MAGI2: variants seen among roughly 807,000 people sequenced by gnomAD.
MAGI2 encodes the protein membrane-associated guanylate kinase, WW and PDZ domain-containing protein 2.
A neutral mutation model predicts 133.3 loss-of-function variants in MAGI2; 35 were observed. The ratio of observed to expected loss-of-function variants is 0.26; its 90% CI spans 0.20 to 0.35. The LOEUF is 0.35. Among genes scored for constraint, MAGI2 ranks in the 10% least tolerant of loss-of-function variants. The pLI, the probability that MAGI2 is intolerant of heterozygous loss-of-function variation, is 1.00. For synonymous variants in MAGI2, 729 were observed against 710.6 expected (o/e 1.03, Z -0.41); for missense variants, 1,636 against 1,863.4 (o/e 0.88, Z 2.25).
intron 7 of MAGI2, among the ~76,000 whole-genome samples, chr7:78,361,392 C>A (rs1460387650): frequency 1.1e-3 from 144 of 126,684 alleles, no homozygotes; most frequent in African/African-American, 1.3e-3. Flanking sequence ...GACTCCATCT[C>A]AAAAAAAAAA....
At chr7:78,223,918 C>T (rs62463875) in intron 10 of MAGI2, among the ~76,000 whole-genome samples, 23,515 of 152,152 alleles carry the variant, frequency 0.15, 2,452 homozygotes, top group Middle Eastern at 0.26. Context: ...ATGTAGGGCA[C>T]TTTTAAAATA....
At chr7:78,785,410 T>C (rs1826734897) in intron 2 of MAGI2, among the ~76,000 whole-genome samples, 1 of 152,238 alleles carries the variant, frequency 6.6e-6, no homozygotes, top group Non-Finnish European at 1.5e-5. Context: ...TTTTAATTTT[T>C]ACAAATTTAG....
intron 9 of MAGI2, among the ~76,000 whole-genome samples, chr7:78,298,009 A>G (rs1390222151): frequency 6.8e-6 from 1 of 147,632 alleles, no homozygotes; most frequent in Non-Finnish European, 1.5e-5. Flanking sequence ...TTGTCTGGGA[A>G]AAAAAAAAGA....
intron 5 of MAGI2, among the ~76,000 whole-genome samples, chr7:78,491,911 G>GTGTGTGTGTGTGTTTGTGTA (rs1793656479): frequency 7.1e-6 from 1 of 140,360 alleles, no homozygotes; most frequent in African/African-American, 2.6e-5. Context: ...GTGTGTGTGT[G>GTGTGTGTGTGTGTTTGTGTA]TGTGTGTGTT....
intron 2 of MAGI2, chr7:78,939,792 C>T (rs185672159): frequency 6.6e-6 from 1 of 152,218 alleles, no homozygotes; most frequent in East Asian, 1.9e-4. Context: ...CTCAGAAAAG[C>T]TCCTCGGGAT....
At chr7:78,503,842 G>T (rs1794859460) in intron 4 of MAGI2, among the ~76,000 whole-genome samples, 1 of 151,498 alleles carries the variant, frequency 6.6e-6, no homozygotes, top group South Asian at 2.1e-4. Flanking sequence ...CAAGGTGCCT[G>T]CTTCCCCTTT....
At chr7:79,311,034 C>G (rs1838245306) in intron 1 of MAGI2, among the ~76,000 whole-genome samples, 1 of 152,080 alleles carries the variant, frequency 6.6e-6, no homozygotes, top group Admixed American at 6.6e-5. Flanking sequence ...TAAAACCACC[C>G]CCAACAAATT....
At chr7:78,586,386 A>C (rs1333661706) in intron 3 of MAGI2, among the ~76,000 whole-genome samples, 3 of 151,308 alleles carry the variant, frequency 2.0e-5, no homozygotes, top group Non-Finnish European at 4.4e-5. Flanking sequence ...ATAACATCTA[A>C]GAATTTATTT....
intron 1 of MAGI2, among the ~76,000 whole-genome samples, chr7:79,022,305 A>T (rs1159135602): frequency 6.6e-6 from 1 of 152,194 alleles, no homozygotes; most frequent in Non-Finnish European, 1.5e-5. Flanking sequence ...TTAAATCAGA[A>T]ATCAAGAAAT....
rs1563081877 is a variant in MAGI2, at chr7:78,070,646, T to TA, written c.3706+8300_3706+8301insT. ...TGTGTGTGTGTATATATATATATAT[T>TA]TTTTTTTTTTTTTTAGACGGAGTCT... On this transcript the variant is annotated intron_variant, in intron 21 of 21. Transcript: ENST00000354212. 7.1e-4 allele frequency among the ~76,000 whole-genome samples: 52 copies of TA among 73,608 alleles called. 1 individual carries two copies. Among genetic ancestry groups the TA allele is most frequent in the African/African-American group, 1.8e-3 (46 of 25,156 alleles). 48.3% of individuals were successfully genotyped at this position (73,608 alleles called of 152,430 possible).
At chr7:78,415,265 A>G (rs747713391) in intron 6 of MAGI2, among the ~76,000 whole-genome samples, 2 of 152,102 alleles carry the variant, frequency 1.3e-5, no homozygotes, top group Non-Finnish European at 2.9e-5. Context: ...ATTCTCATTG[A>G]CCTTAATTAC....
chr7:79,274,043 C>T (rs1006192413), intron 1 of MAGI2, among the ~76,000 whole-genome samples: 19 of 152,068 alleles, frequency 1.2e-4, no homozygotes, highest in Admixed American at 9.2e-4. Flanking sequence ...ATGAGACTCA[C>T]CACCTGGAGG....
intron 1 of MAGI2, among the ~76,000 whole-genome samples, chr7:79,378,025 T>C (rs1843497497): frequency 6.6e-6 from 1 of 151,826 alleles, no homozygotes; most frequent in East Asian, 1.9e-4. Flanking sequence ...TTAAGAAATC[T>C]TGGGTTAAAC....
chr7:78,321,639 A>C (rs572645940), intron 9 of MAGI2, among the ~76,000 whole-genome samples: 1 of 152,348 alleles, frequency 6.6e-6, no homozygotes. Flanking sequence ...TTGAAGACTT[A>C]AATGTAAGAC....
chr7:79,258,298 A>C (rs886564065), intron 1 of MAGI2, among the ~76,000 whole-genome samples: 5 of 152,248 alleles, frequency 3.3e-5, no homozygotes, highest in Admixed American at 3.3e-4. Flanking sequence ...TTTCTAGTCC[A>C]GAAGAAAATA....
At chr7:78,203,379 C>G (rs1342856958) in intron 10 of MAGI2, among the ~76,000 whole-genome samples, 1 of 152,194 alleles carries the variant, frequency 6.6e-6, no homozygotes, top group Non-Finnish European at 1.5e-5. Flanking sequence ...TCTACCGTCT[C>G]AGGAGTTATG....
At chr7:78,044,706 C>CGTGTGCGTGT (rs556210728) in intron 21 of MAGI2, among the ~76,000 whole-genome samples, 1 of 113,544 alleles carries the variant, frequency 8.8e-6, no homozygotes, top group African/African-American at 3.4e-5. Context: ...TGTGTGTGTG[C>CGTGTGCGTGT]ACGTGTGCAC....
chr7:78,790,885 T>C (rs570530226), intron 2 of MAGI2, among the ~76,000 whole-genome samples: 152 of 152,286 alleles, frequency 1.0e-3, no homozygotes, highest in African/African-American at 3.1e-3. Flanking sequence ...AAGAAATTAA[T>C]CTTTGAGGAA....
At chr7:78,137,388 C>T (rs543212754) in intron 16 of MAGI2, among the ~76,000 whole-genome samples, 98 of 152,260 alleles carry the variant, frequency 6.4e-4, no homozygotes, top group African/African-American at 2.2e-3. Context: ...ATATGTAAAG[C>T]GAGTAGAACA....
Sources: gnomAD v4.1 joint callset for allele counts (sites outside exome capture counted in the v4.1 genomes callset) on GRCh38, gnomAD v4.1.1 for gene constraint, MANE v1.5 for transcripts, NCBI Gene and HGNC (gene_info 2026-07-23, HGNC 2026-07-21) for gene names.